Variants in VWC2L observed in about 807,000 individuals in gnomAD.
The protein encoded by VWC2L is von Willebrand factor C domain-containing protein 2-like.
A neutral mutation model predicts 21.6 loss-of-function variants in VWC2L; 10 were observed. The observed-to-expected ratio is 0.46, with a 90% CI of 0.29 to 0.78. The LOEUF (loss-of-function observed/expected upper bound fraction) is 0.78. VWC2L is among the 30% of genes least tolerant of loss of function. The pLI, the probability that VWC2L is intolerant of heterozygous loss-of-function variation, is 0.10. For missense variants in VWC2L, 209 were observed against 277.1 expected (o/e 0.75, Z 1.74); for synonymous variants, 96 against 94.3 (o/e 1.02, Z -0.10).
chr2:214,468,293 G>A (rs904074718), intron 3 of VWC2L, among the ~76,000 whole-genome samples: 4 of 152,150 alleles, frequency 2.6e-5, no homozygotes, highest in Non-Finnish European at 4.4e-5. Context: ...GATTACAGGC[G>A]TGAGCCATTG....
intron 3 of VWC2L, among the ~76,000 whole-genome samples, chr2:214,532,484 T>C (rs1202283987): frequency 6.6e-6 from 1 of 152,174 alleles, no homozygotes; most frequent in Non-Finnish European, 1.5e-5. Flanking sequence ...CACCTTTCTT[T>C]TTAACAGTTC....
intron 3 of VWC2L, among the ~76,000 whole-genome samples, chr2:214,547,997 T>C (rs181883113): frequency 6.8e-4 from 103 of 152,356 alleles, no homozygotes; most frequent in Non-Finnish European, 1.2e-3. Flanking sequence ...TTCTTCCAGA[T>C]GCTTTCATAA....
chr2:214,523,742 A>G (rs1476420167), intron 3 of VWC2L, among the ~76,000 whole-genome samples: 5 of 152,148 alleles, frequency 3.3e-5, no homozygotes, highest in Non-Finnish European at 7.3e-5. Flanking sequence ...CTGAGGCAGG[A>G]GCATCCCTTG....
chr2:214,447,487 CA>C (rs929831211), intron 3 of VWC2L, among the ~76,000 whole-genome samples: 4 of 152,150 alleles, frequency 2.6e-5, no homozygotes, highest in Non-Finnish European at 5.9e-5. Flanking sequence ...CACTTCACAT[CA>C]GCACTGGGAT....
chr2:214,436,095 A>C (rs1702674618), intron 2 of VWC2L: 1 of 152,378 alleles, frequency 6.6e-6, no homozygotes, highest in Non-Finnish European at 1.5e-5. Context: ...TCCCAAATGC[A>C]ATCTTCTCTA....
chr2:214,562,696 G>T (rs1373447320), intron 3 of VWC2L, among the ~76,000 whole-genome samples: 2 of 152,146 alleles, frequency 1.3e-5, no homozygotes, highest in African/African-American at 4.8e-5. Flanking sequence ...TGAGATGGTT[G>T]GCATCTCATT....
intron 3 of VWC2L, among the ~76,000 whole-genome samples, chr2:214,510,700 A>C (rs781296846): frequency 3.3e-5 from 5 of 152,206 alleles, no homozygotes; most frequent in Non-Finnish European, 5.9e-5. Context: ...CTCATTTTTA[A>C]CCATTTAAAA....
chr2:214,526,620 A>T (rs1391783405), intron 3 of VWC2L, among the ~76,000 whole-genome samples: 6 of 152,182 alleles, frequency 3.9e-5, no homozygotes, highest in Admixed American at 2.6e-4. Flanking sequence ...GGATAGGGAA[A>T]ATTCTGTTTC....
chr2:214,497,721 T>G (rs1178989590), intron 3 of VWC2L, among the ~76,000 whole-genome samples: 2 of 152,220 alleles, frequency 1.3e-5, no homozygotes, highest in Non-Finnish European at 2.9e-5. Flanking sequence ...TGCCTGTTTC[T>G]GGGCCCCATC....
At position 214,460,370 on chromosome 2, in the gene VWC2L, C is replaced by T. The variant is rs1217849993; in HGVS notation, c.520+23612C>T. ...CAGATTTACTATATCTTTGCTTTCT[C>T]TTCACGTTCTAGAACACCCAAAATT... is the stretch of plus-strand genomic sequence containing the variant. On this transcript the variant is annotated intron_variant, in intron 3 of 3. Coordinates refer to ENST00000312504, the MANE Select transcript of VWC2L (RefSeq NM_001080500.4). 1.3e-5 allele frequency among the ~76,000 whole-genome samples: 2 copies of T among 152,196 alleles called. 1 individual carries two copies. Among genetic ancestry groups the T allele is most frequent in the Middle Eastern group, 6.3e-3 (2 of 316 alleles).
At chr2:214,567,371 A>G (rs6728209) in intron 3 of VWC2L, among the ~76,000 whole-genome samples, 104,211 of 151,886 alleles carry the variant, frequency 0.69, 37,513 homozygotes, top group East Asian at 0.83. Context: ...CTGCCTTCCA[A>G]GATAATTGCT....
intron 3 of VWC2L, among the ~76,000 whole-genome samples, chr2:214,448,579 T>C (rs1702907498): frequency 6.6e-6 from 1 of 152,208 alleles, no homozygotes; most frequent in Non-Finnish European, 1.5e-5. Context: ...CAAGTCTAGC[T>C]TGAACTTTTA....
chr2:214,467,051 G>A (rs539193216), intron 3 of VWC2L, among the ~76,000 whole-genome samples: 8 of 152,278 alleles, frequency 5.3e-5, no homozygotes, highest in South Asian at 2.1e-4. Context: ...ACAAAGTTAC[G>A]TGGAAATACT....
chr2:214,425,961 C>T (rs2126174069), intron 2 of VWC2L, among the ~76,000 whole-genome samples: 1 of 152,036 alleles, frequency 6.6e-6, no homozygotes, highest in East Asian at 1.9e-4. Flanking sequence ...CACCTGAGGT[C>T]AGGAGTTCAA....
intron 3 of VWC2L, among the ~76,000 whole-genome samples, chr2:214,461,524 A>G (rs1703140383): frequency 6.6e-6 from 1 of 152,104 alleles, no homozygotes; most frequent in Admixed American, 6.5e-5. Flanking sequence ...TATGCCTCTA[A>G]ATGGCCTGCT....
At chr2:214,416,432 T>C (rs1427597201) in intron 2 of VWC2L, among the ~76,000 whole-genome samples, 1 of 152,096 alleles carries the variant, frequency 6.6e-6, no homozygotes, top group Admixed American at 6.6e-5. Context: ...TTCACCTGGC[T>C]TTTTGTGTCA....
intron 3 of VWC2L, among the ~76,000 whole-genome samples, chr2:214,509,231 T>A (rs1403818491): frequency 6.6e-6 from 1 of 152,196 alleles, no homozygotes; most frequent in Non-Finnish European, 1.5e-5. Context: ...TCCTAACGTA[T>A]GTATTACCTT....
intron 2 of VWC2L, among the ~76,000 whole-genome samples, chr2:214,418,377 A>C (rs2126170439): frequency 6.6e-6 from 1 of 152,342 alleles, no homozygotes. Flanking sequence ...GTCCAAGACC[A>C]TACAGCTGGA....
intron 2 of VWC2L, among the ~76,000 whole-genome samples, chr2:214,424,634 T>A (rs1170658535): frequency 6.6e-6 from 1 of 152,232 alleles, no homozygotes; most frequent in Non-Finnish European, 1.5e-5. Context: ...ATCCAGAATT[T>A]CACAAATTTA....
Sources: allele counts gnomAD v4.1 joint callset (sites outside exome capture counted in the v4.1 genomes callset), GRCh38; gene constraint gnomAD v4.1.1; transcripts MANE v1.5; gene names NCBI Gene and HGNC (gene_info 2026-07-23, HGNC 2026-07-21).